Variants in SLC25A46 observed in about 807,000 individuals in gnomAD.
The protein encoded by SLC25A46 is solute carrier family 25 member 46.
In SLC25A46, 39 loss-of-function variants were observed where a neutral mutation model predicts 44.6. That is an observed-to-expected ratio of 0.87 (90% confidence interval 0.68 to 1.14). The LOEUF (loss-of-function observed/expected upper bound fraction) is 1.14, where lower values mean the gene tolerates loss of function less well. Ranked by LOEUF, SLC25A46 falls within the 50% of genes most tolerant of loss-of-function variation. SLC25A46 has a pLI of 0.00. For synonymous variants in SLC25A46, 202 were observed against 185.8 expected (o/e 1.09, Z -0.71); for missense variants, 547 against 522.7 (o/e 1.05, Z -0.45).
intron 5 of SLC25A46, among the ~76,000 whole-genome samples, chr5:110,752,831 A>G (rs1274881841): frequency 6.6e-6 from 1 of 151,860 alleles, no homozygotes; most frequent in Admixed American, 6.6e-5. Context: ...AGGTAAATTA[A>G]TTTGGGAGAT....
At chr5:110,740,073 A>G (rs1479495750) in intron 1 of SLC25A46, among the ~76,000 whole-genome samples, 1 of 152,214 alleles carries the variant, frequency 6.6e-6, no homozygotes, top group Non-Finnish European at 1.5e-5. Context: ...TATAAAAGTT[A>G]GAAACACTGA....
Position 110,742,064 on chromosome 5 carries a change from G to A in SLC25A46, c.301G>A (p.Ala101Thr). ...TACTTTAGAACAGCTGAATAGATTTGCTGGATTTGGTATTGGACTTGCAAG... is the reference window on the plus strand; with the variant it reads ...TACTTTAGAACAGCTGAATAGATTTACTGGATTTGGTATTGGACTTGCAAG... ...GQSSEQLNRF[A>T]GFGIGLASLF... The change falls in exon 2 of 8, where the codon GCT becomes ACT. Residue 101 changes from alanine (A) to threonine (T), a missense_variant. Coordinates refer to ENST00000355943, the MANE Select transcript of SLC25A46 (RefSeq NM_138773.4). 6.4e-7 allele frequency: 1 copy of A among 1,574,650 alleles called. No individual in the cohort carries two copies. Among genetic ancestry groups the A allele is most frequent in the South Asian group, 1.2e-5 (1 of 83,898 alleles).
At chr5:110,738,923 A>C, upstream of SLC25A46, 1 of 1,400,284 alleles carries the variant, frequency 7.1e-7, no homozygotes, top group Non-Finnish European at 9.3e-7. Context: ...CTCCCTAGCA[A>C]CCGTGCCCTT....
rs1799537891 is a variant in SLC25A46 at position 110,739,240 on chromosome 5, C to A, written c.121C>A (p.His41Asn). ...CTTCAGCACCGGGTCGGACCTGGGC[C>A]ACTGGGTGACGACTCCCCCAGATAT... ...RSFSTGSDLG[H>N]WVTTPPDIPG... The change falls in exon 1 of 8, where the codon CAC (histidine) becomes AAC (asparagine). Residue 41 changes from histidine to asparagine, a missense_variant. Coordinates refer to ENST00000355943, the MANE Select transcript of SLC25A46 (RefSeq NM_138773.4). 2 of 1,581,422 alleles carry A rather than the reference C, an allele frequency of 1.3e-6. No individual in the cohort carries two copies. The highest frequency in any genetic ancestry group is 8.6e-7 in the Non-Finnish European group (1 of 1,164,590).
chr5:110,740,309 T>A (rs1192563260), intron 1 of SLC25A46, among the ~76,000 whole-genome samples: 1 of 152,202 alleles, frequency 6.6e-6, no homozygotes, highest in Non-Finnish European at 1.5e-5. Context: ...TTTCCTCGAC[T>A]TTGACTTGGA....
At chr5:110,740,196 A>C (rs577003152) in intron 1 of SLC25A46, among the ~76,000 whole-genome samples, 1 of 152,330 alleles carries the variant, frequency 6.6e-6, no homozygotes, top group Admixed American at 6.5e-5. Flanking sequence ...TTTATTCATA[A>C]AATGTGAATA....
Position 110,761,901 on chromosome 5 carries a change from C to A in SLC25A46, c.*119C>A. The stretch of plus-strand genomic sequence containing the variant: ...AATGGATTGGAAAGTAAAATTGGTA[C>A]TAAAGCCCATACTGATTATCTTGAC... On this transcript the variant is annotated 3_prime_UTR_variant, in exon 8 of 8. Coordinates refer to ENST00000355943, the MANE Select transcript of SLC25A46 (RefSeq NM_138773.4). The surrounding 1 kb of genome is among the most constrained non-coding windows in gnomAD (Gnocchi z 5.3). 1.2e-6 allele frequency: 1 copy of A among 823,206 alleles called. No homozygotes were observed. Among genetic ancestry groups the A allele is most frequent in the Non-Finnish European group, 1.9e-6 (1 of 540,410 alleles). 51.0% of individuals were successfully genotyped at this position (823,206 alleles called of 1,614,324 possible). A position where few individuals can be genotyped will look rare whatever the true frequency, so the allele number is the denominator to read the frequency against.
chr5:110,755,477 T>C lies in SLC25A46; in HGVS notation c.576T>C (p.His192=). The change falls in exon 6 of 8, where the codon CAT becomes CAC. Residue 192 remains histidine, a synonymous_variant. Coordinates refer to ENST00000355943, the MANE Select transcript of SLC25A46 (RefSeq NM_138773.4). ...TTTTATGTTTTAGGGAGGTTTTACA[T>C]AAATGGAGTCCTAAACAAATAGGAG... ...EFTPLPREVL[H]KWSPKQIGEH... is the part of the protein sequence containing the mutation. 1 of 1,574,742 alleles carries C rather than the reference T, an allele frequency of 6.4e-7. No homozygotes were observed. Among genetic ancestry groups the C allele is most frequent in the Non-Finnish European group, 8.6e-7 (1 of 1,160,356 alleles).
rs1403291617 is a variant in SLC25A46, at chr5:110,739,022, C to T, written c.-98C>T. 2.0e-6 allele frequency: 3 copies of T among 1,486,136 alleles called. No individual in the cohort carries two copies. The highest frequency in any genetic ancestry group is 5.0e-5 in the East Asian group (2 of 40,100). The allele number at this position is 1,486,136 out of a possible 1,614,324, so 92.1% of individuals were successfully genotyped here. A position where few individuals can be genotyped will look rare whatever the true frequency, so the allele number is the denominator to read the frequency against. On this transcript the variant is annotated 5_prime_UTR_variant, in exon 1 of 8. The change creates a new upstream start codon in the 5' untranslated region. Coordinates refer to ENST00000355943, the MANE Select transcript of SLC25A46 (RefSeq NM_138773.4). ...TCCGGTTGTCAGAATTTACCCCTGA[C>T]GCGGCGGCGGCCGACGGGAAGCTGT...
upstream of SLC25A46, chr5:110,738,832 T>C (rs1799495118): frequency 1.0e-5 from 6 of 593,870 alleles, no homozygotes; most frequent in South Asian, 1.4e-4. Flanking sequence ...TCTTTGGTAC[T>C]GTGTTTCATT....
chr5:110,749,584 A>G (rs1163707176), intron 5 of SLC25A46, among the ~76,000 whole-genome samples: 2 of 152,056 alleles, frequency 1.3e-5, no homozygotes, highest in Non-Finnish European at 2.9e-5. Flanking sequence ...ATAGCATAAG[A>G]TGTAGGACAA....
chr5:110,759,932 C>T (rs932025099), intron 7 of SLC25A46, among the ~76,000 whole-genome samples: 1 of 152,092 alleles, frequency 6.6e-6, no homozygotes, highest in Non-Finnish European at 1.5e-5. Flanking sequence ...CTCCTCCACT[C>T]ACGATGGGAT....
intron 7 of SLC25A46, among the ~76,000 whole-genome samples, chr5:110,760,789 G>A (rs1286773277): frequency 2.6e-5 from 4 of 152,080 alleles, no homozygotes; most frequent in African/African-American, 7.2e-5. Context: ...TGTAGAATGC[G>A]AAACTGTGCT....
intron 5 of SLC25A46, among the ~76,000 whole-genome samples, chr5:110,751,634 G>T (rs1304084245): frequency 2.6e-5 from 4 of 152,164 alleles, no homozygotes; most frequent in African/African-American, 9.7e-5. Flanking sequence ...AGATGAAAAG[G>T]TTGTATGAGG....
At chr5:110,754,782 A>T (rs1315194476) in intron 5 of SLC25A46, 1 of 152,182 alleles carries the variant, frequency 6.6e-6, no homozygotes, top group Non-Finnish European at 1.5e-5. Flanking sequence ...CAGTACAGGC[A>T]GAGAGTACCG....
At chr5:110,759,719 T>C (rs1273467314) in intron 7 of SLC25A46, among the ~76,000 whole-genome samples, 2 of 151,966 alleles carry the variant, frequency 1.3e-5, no homozygotes, top group Admixed American at 6.6e-5. Context: ...AAGTCTTTGA[T>C]AGGTTTGAGC....
chr5:110,750,731 A>C (rs1359568805), intron 5 of SLC25A46, among the ~76,000 whole-genome samples: 1 of 152,096 alleles, frequency 6.6e-6, no homozygotes, highest in East Asian at 1.9e-4. Context: ...AATATTGTAA[A>C]TCCGTAGTTG....
At chr5:110,746,820 T>C (rs554537954) in intron 4 of SLC25A46, among the ~76,000 whole-genome samples, 2 of 152,210 alleles carry the variant, frequency 1.3e-5, no homozygotes, top group African/African-American at 4.8e-5. Context: ...GTTTTTAAAG[T>C]AGACGTGTGA....
At position 110,739,109 on chromosome 5, in the gene SLC25A46, C is replaced by A. The variant is rs1249818016; in HGVS notation, c.-11C>A. ...CTCCGGGCGGGCTCGCGTCATCCTG[C>A]CCCCGCTGCGATGCATCCGCGGCGC... is the stretch of plus-strand genomic sequence containing the variant. On this transcript the variant is annotated 5_prime_UTR_variant, in exon 1 of 8. Coordinates refer to ENST00000355943, the MANE Select transcript of SLC25A46 (RefSeq NM_138773.4). The A allele has an allele frequency of 6.5e-7, 1 of 1,544,872 alleles. No homozygotes were observed. Among genetic ancestry groups the A allele is most frequent in the Middle Eastern group, 2.1e-4 (1 of 4,718 alleles).
Sources: allele counts gnomAD v4.1 joint callset (sites outside exome capture counted in the v4.1 genomes callset), GRCh38; gene constraint gnomAD v4.1.1; non-coding constraint Gnocchi (gnomAD v3.1); transcripts MANE v1.5; gene names NCBI Gene and HGNC (gene_info 2026-07-23, HGNC 2026-07-21).